The following TMEM45B variants were observed in gnomAD, a reference collection of about 807,000 sequenced individuals.
TMEM45B encodes the protein transmembrane protein 45B.
A neutral mutation model predicts 27.3 loss-of-function variants in TMEM45B; 29 were observed. The observed-to-expected ratio is 1.06, with a 90% CI of 0.79 to 1.45. The LOEUF (loss-of-function observed/expected upper bound fraction) is 1.45. Among genes scored for constraint, TMEM45B ranks in the 40% most tolerant of loss-of-function variants. TMEM45B has a pLI of 0.00. For synonymous variants in TMEM45B, 143 were observed against 134.7 expected, an observed-to-expected ratio of 1.06 and a Z score of -0.43; for missense variants, 348 against 343.9, an observed-to-expected ratio of 1.01 and a Z score of -0.09.
intron 1 of TMEM45B, among the ~76,000 whole-genome samples, chr11:129,851,543 C>CAAAAAAAAAAAAAAAAAAAAAAAAAAAA (rs71057982): frequency 6.0e-4 from 33 of 54,908 alleles, no homozygotes; most frequent in Admixed American, 1.2e-3. Context: ...AACTCTGCCT[C>CAAAAAAAAAAAAAAAAAAAAAAAAAAAA]AAAAAAAAAA....
chr11:129,831,293 C>A (rs1947543892), intron 1 of TMEM45B, among the ~76,000 whole-genome samples: 3 of 152,186 alleles, frequency 2.0e-5, no homozygotes, highest in Admixed American at 2.0e-4. Flanking sequence ...TTCTCTTTGG[C>A]ATAATCGAAC....
At chr11:129,821,353 C>T (rs1947417681) in intron 1 of TMEM45B, among the ~76,000 whole-genome samples, 1 of 152,142 alleles carries the variant, frequency 6.6e-6, no homozygotes, top group Non-Finnish European at 1.5e-5. Context: ...TTTCCAAGCA[C>T]ATCTGAAAAG....
chr11:129,825,481 G>C (rs1387971005), intron 1 of TMEM45B, among the ~76,000 whole-genome samples: 2 of 151,904 alleles, frequency 1.3e-5, no homozygotes, highest in Non-Finnish European at 2.9e-5. Context: ...GTGCATGTCT[G>C]TCTGTTCAGC....
chr11:129,830,675 C>G (rs1014341529), intron 1 of TMEM45B, among the ~76,000 whole-genome samples: 1 of 152,124 alleles, frequency 6.6e-6, no homozygotes, highest in African/African-American at 2.4e-5. Flanking sequence ...TTTGAGTAGG[C>G]ATTTCTCCAT....
Position 129,815,878 on chromosome 11 carries a change from G to A in TMEM45B, c.-29G>A, listed in dbSNP as rs1947343527. On this transcript the variant is annotated 5_prime_UTR_variant, in exon 1 of 6. Transcript: ENST00000281441. The stretch of plus-strand genomic sequence containing the variant: ...TGGCGCGCGGCGCGGGCTGCAGACG[G>A]CTGCGAGGCGCTGGGCACAGGTCAG... 2 of 1,305,106 alleles carry A rather than the reference G, an allele frequency of 1.5e-6. No homozygotes were observed. Among genetic ancestry groups the A allele is most frequent in the Admixed American group, 4.1e-5 (1 of 24,148 alleles). The allele number at this position is 1,305,106 out of a possible 1,614,324, so 80.8% of individuals were successfully genotyped here.
At chr11:129,857,958 G>A (rs572890347) in intron 5 of TMEM45B, among the ~76,000 whole-genome samples, 1 of 152,274 alleles carries the variant, frequency 6.6e-6, no homozygotes, top group East Asian at 1.9e-4. Flanking sequence ...CTGCGCCCCA[G>A]GCCCAGTGGA....
chr11:129,844,039 C>T (rs1247674748), intron 1 of TMEM45B, among the ~76,000 whole-genome samples: 1 of 152,074 alleles, frequency 6.6e-6, no homozygotes, highest in Non-Finnish European at 1.5e-5. Context: ...GATATGGAAA[C>T]AATCTAAGTG....
At chr11:129,819,744 C>T (rs1241185909) in intron 1 of TMEM45B, among the ~76,000 whole-genome samples, 11 of 151,818 alleles carry the variant, frequency 7.2e-5, no homozygotes, top group Middle Eastern at 3.4e-3. Flanking sequence ...TTAGTAGAGA[C>T]GGGGTTTCAC....
rs1003408659 is a variant in TMEM45B at position 129,859,307 on chromosome 11, T to A, written c.*622T>A. On this transcript the variant is annotated 3_prime_UTR_variant, in exon 6 of 6. Transcript: ENST00000281441. Reference sequence around the variant, plus strand: ...AATTAGGCCAAAGGTGATTTTTTTTTAAATCAGGAAGCTGGTTACTGGCTC... The same window carrying A: ...AATTAGGCCAAAGGTGATTTTTTTTAAAATCAGGAAGCTGGTTACTGGCTC... The A allele has an allele frequency of 2.6e-5, 4 of 152,168 alleles. No homozygotes were observed. Among genetic ancestry groups the A allele is most frequent in the Admixed American group, 6.5e-5 (1 of 15,284 alleles). 9.4% of individuals were successfully genotyped at this position (152,168 alleles called of 1,614,324 possible).
chr11:129,858,751 C>G lies in TMEM45B; in HGVS notation c.*66C>G. The G allele has an allele frequency of 1.7e-6, 2 of 1,169,286 alleles. No homozygotes were observed. The highest frequency in any genetic ancestry group is 1.2e-6 in the Non-Finnish European group (1 of 811,078). The allele number at this position is 1,169,286 out of a possible 1,614,324, so 72.4% of individuals were successfully genotyped here. A position where few individuals can be genotyped will look rare whatever the true frequency, so the allele number is the denominator to read the frequency against. ...GAATGAATGGAGTTCATCCCCTCCA[C>G]CTGAATGCCTGCTGTGGTCTGATCT... On this transcript the variant is annotated 3_prime_UTR_variant, in exon 6 of 6. Coordinates refer to ENST00000281441, the MANE Select transcript of TMEM45B (RefSeq NM_138788.5).
intron 1 of TMEM45B, among the ~76,000 whole-genome samples, chr11:129,818,383 T>C (rs1947377628): frequency 6.6e-6 from 1 of 152,232 alleles, no homozygotes; most frequent in African/African-American, 2.4e-5. Flanking sequence ...AGGACTTAGA[T>C]ATCATAAGCC....
At chr11:129,815,961 C>G in intron 1 of TMEM45B, 63 bp downstream of exon 1, 1 of 1,261,210 alleles carries the variant, frequency 7.9e-7, no homozygotes, top group Non-Finnish European at 9.9e-7. Flanking sequence ...AGAGGGGGCC[C>G]CGCCAAGGAG....
In TMEM45B at chr11:129,859,469, A is replaced by G. The variant is rs1432363524; in HGVS notation, c.*784A>G. 1 of 152,208 alleles carries G rather than the reference A, an allele frequency of 6.6e-6. No individual in the cohort carries two copies. Among genetic ancestry groups the G allele is most frequent in the Non-Finnish European group, 1.5e-5 (1 of 68,044 alleles). 9.4% of individuals were successfully genotyped at this position (152,208 alleles called of 1,614,324 possible). On this transcript the variant is annotated 3_prime_UTR_variant, in exon 6 of 6. Transcript: ENST00000281441. ...GTTTTAATATGGCTGAAAGCAAAGG[A>G]TAACGAATTCAGAATTAGTAATGTA...
intron 1 of TMEM45B, among the ~76,000 whole-genome samples, chr11:129,824,799 C>G (rs886433376): frequency 1.3e-5 from 2 of 152,178 alleles, no homozygotes; most frequent in African/African-American, 4.8e-5. Flanking sequence ...GTATGAGGTC[C>G]TTTGAAAACA....
chr11:129,816,290 C>G (rs1310984571), intron 1 of TMEM45B, among the ~76,000 whole-genome samples: 1 of 152,118 alleles, frequency 6.6e-6, no homozygotes. Context: ...TCCGTCTGCC[C>G]GGTGAGTCCG....
intron 4 of TMEM45B, 89 bp from the exon 5 acceptor site, chr11:129,857,224 A>G (rs1947941616): frequency 2.5e-5 from 38 of 1,493,156 alleles, no homozygotes; most frequent in Non-Finnish European, 3.4e-5. Flanking sequence ...GTGGTCACAC[A>G]TGGGCCACTT....
rs550057319 is a variant in TMEM45B, at chr11:129,836,159, GGT to G, written c.-8-16315_-8-16314del. ...AAATTGAACGGAATTTGCCCTACCAGGTTCCAGGACAGGAGATCCATGACCAC... is the reference window on the plus strand; with the variant it reads ...AAATTGAACGGAATTTGCCCTACCAGTCCAGGACAGGAGATCCATGACCAC... On this transcript the variant is annotated intron_variant, in intron 1 of 5. Coordinates refer to ENST00000281441, the MANE Select transcript of TMEM45B (RefSeq NM_138788.5). Among the ~76,000 whole-genome samples, 768 of 152,102 alleles carry G rather than the reference GGT, an allele frequency of 5.0e-3. 7 individuals carry two copies. Among genetic ancestry groups the G allele is most frequent in the African/African-American group, 0.018 (731 of 41,486 alleles).
chr11:129,837,777 C>CTTTTTTTTT (rs1159669879), intron 1 of TMEM45B, among the ~76,000 whole-genome samples: 6 of 69,024 alleles, frequency 8.7e-5, no homozygotes, highest in East Asian at 5.1e-4. Context: ...AGGCTAGTTT[C>CTTTTTTTTT]TTTTTTTTTT....
In TMEM45B at chr11:129,852,554, G is replaced by A. The variant is rs1349314201; in HGVS notation, c.72G>A (p.Lys24=). 3.1e-6 allele frequency: 5 copies of A among 1,613,826 alleles called. No individual in the cohort carries two copies. ...FLIIGLCWSV[K]YPLKYFSHTR... is the part of the protein sequence containing the mutation. Reference sequence around the variant, plus strand: ...TCATTGGGCTGTGTTGGTCAGTGAAGTACCCGCTGAAGTACTTTAGCCACA... The same window carrying A: ...TCATTGGGCTGTGTTGGTCAGTGAAATACCCGCTGAAGTACTTTAGCCACA... Residue 24 remains lysine (K), a synonymous_variant, in exon 2 of 6, where the codon AAG becomes AAA. Coordinates refer to ENST00000281441, the MANE Select transcript of TMEM45B (RefSeq NM_138788.5).
Sources: allele counts gnomAD v4.1 joint callset (sites outside exome capture counted in the v4.1 genomes callset), GRCh38; gene constraint gnomAD v4.1.1; transcripts MANE v1.5; gene names NCBI Gene and HGNC (gene_info 2026-07-23, HGNC 2026-07-21).